UNC93A: variants seen among roughly 807,000 people sequenced by gnomAD.
UNC93A encodes unc-93 homolog A.
A neutral mutation model predicts 47.5 loss-of-function variants in UNC93A; 43 were observed. The observed-to-expected ratio is 0.91, with a 90% CI of 0.71 to 1.17. The LOEUF is 1.17. Ranked by LOEUF, UNC93A falls within the 50% of genes most tolerant of loss-of-function variation. The pLI, the probability that UNC93A is intolerant of heterozygous loss-of-function variation, is 0.00. For synonymous variants in UNC93A, 280 were observed against 258.0 expected (o/e 1.09, Z -0.82); for missense variants, 605 against 577.6 (o/e 1.05, Z -0.49).
intron 4 of UNC93A, among the ~76,000 whole-genome samples, chr6:167,301,932 C>T (rs1289466881): frequency 6.6e-6 from 1 of 152,120 alleles, no homozygotes; most frequent in Non-Finnish European, 1.5e-5. Context: ...GTGGCCAGGA[C>T]AACACAGAGG....
chr6:167,298,252 C>T (rs925375419), intron 4 of UNC93A, 182 bp downstream of exon 4: 5 of 930,506 alleles, frequency 5.4e-6, no homozygotes, highest in Non-Finnish European at 7.6e-6. Flanking sequence ...ATGCAGTACA[C>T]CCGTGCTGTC....
At chr6:167,279,468 C>T (rs1783596994) in intron 1 of UNC93A, among the ~76,000 whole-genome samples, 1 of 152,188 alleles carries the variant, frequency 6.6e-6, no homozygotes, top group Admixed American at 6.5e-5. Flanking sequence ...ATCTTTAACA[C>T]TTCTGCATTT....
At chr6:167,310,736 C>A (rs1778533951) in intron 7 of UNC93A, among the ~76,000 whole-genome samples, 1 of 152,116 alleles carries the variant, frequency 6.6e-6, no homozygotes, top group Non-Finnish European at 1.5e-5. Flanking sequence ...CAAAAATTAG[C>A]CAGGCGTGAT....
At position 167,305,911 on chromosome 6, in the gene UNC93A, C is replaced by G. The variant is rs6916435; in HGVS notation, c.841-4C>G. 2.4e-3 allele frequency: 3,870 copies of G among 1,614,168 alleles called. 84 individuals carry two copies. The African/African-American group carries it at 0.042, about 17-fold the overall frequency. On this transcript the variant is annotated splice_region_variant and splice_polypyrimidine_tract_variant and intron_variant, in intron 5 of 7. Coordinates refer to ENST00000230256, the MANE Select transcript of UNC93A (RefSeq NM_018974.4). ...ATGACGTGGCTCTGCACCCCTCTCC[C>G]CAGTCCTATGTCACCTGCACCCTGG...
intron 3 of UNC93A, among the ~76,000 whole-genome samples, chr6:167,296,613 G>A (rs182822788): frequency 1.4e-4 from 22 of 152,332 alleles, no homozygotes; most frequent in Non-Finnish European, 2.8e-4. Context: ...TAAGGATGGG[G>A]TTGCCTGATT....
intron 1 of UNC93A, among the ~76,000 whole-genome samples, chr6:167,278,670 C>G (rs536919912): frequency 1.3e-5 from 2 of 152,252 alleles, no homozygotes; most frequent in Admixed American, 1.3e-4. Context: ...GGCTGCAAGT[C>G]TCTAGATTGA....
At chr6:167,298,525 C>CTTTTT (rs373731342) in intron 4 of UNC93A, among the ~76,000 whole-genome samples, 2 of 144,144 alleles carry the variant, frequency 1.4e-5, no homozygotes, top group Admixed American at 6.9e-5. Context: ...CTATAAGCCA[C>CTTTTT]TTTTTTTTTT....
At chr6:167,300,669 CA>C (rs921483799) in intron 4 of UNC93A, among the ~76,000 whole-genome samples, 45 of 152,230 alleles carry the variant, frequency 3.0e-4, no homozygotes, top group African/African-American at 1.1e-3. Context: ...CATGTTTTCC[CA>C]GCAGGCCCCA....
chr6:167,280,038 C>CTTTGGGAGAATTCCAGTGCCT (rs1783605855), intron 1 of UNC93A, among the ~76,000 whole-genome samples: 1 of 152,216 alleles, frequency 6.6e-6, no homozygotes, highest in African/African-American at 2.4e-5. Flanking sequence ...AAGATGCTTG[C>CTTTGGGAGAATTCCAGTGCCT]TTTGGGAGAA....
In UNC93A at chr6:167,308,887, C is replaced by G. The variant is rs1226402497; in HGVS notation, c.1108+977C>G. ...GGGCTGGTTGTCGGATAGAAGGTGA[C>G]ATCCCATGATGATGGCAGGAGCCAA... On this transcript the variant is annotated intron_variant, in intron 7 of 7. Transcript: ENST00000230256. Among the ~76,000 whole-genome samples the G allele has an allele frequency of 2.0e-5, 3 of 152,116 alleles. No homozygotes were observed. The East Asian group carries it at 5.8e-4, about 29-fold the overall frequency.
intron 7 of UNC93A, among the ~76,000 whole-genome samples, chr6:167,308,619 T>TGG (rs1346971519): frequency 7.2e-6 from 1 of 139,622 alleles, no homozygotes; most frequent in African/African-American, 2.8e-5. Context: ...TTGCTGGGGC[T>TGG]GGGGCCCCTA....
chr6:167,305,733 G>A (rs1487148772), intron 5 of UNC93A, among the ~76,000 whole-genome samples, 182 bp from the exon 6 acceptor site: 1 of 152,174 alleles, frequency 6.6e-6, no homozygotes, highest in East Asian at 1.9e-4. Context: ...CCCCAAACAG[G>A]ATTTTCTTAC....
At chr6:167,307,148 A>T (rs1317145042) in intron 6 of UNC93A, among the ~76,000 whole-genome samples, 1 of 152,106 alleles carries the variant, frequency 6.6e-6, no homozygotes. Flanking sequence ...TCTCTTTCTG[A>T]CTTTAAACCC....
chr6:167,282,419 T>C (rs932973289), intron 1 of UNC93A, among the ~76,000 whole-genome samples: 1 of 152,090 alleles, frequency 6.6e-6, no homozygotes, highest in Admixed American at 6.6e-5. Context: ...TTGTGCTGAT[T>C]CTTTCCTGGA....
intron 3 of UNC93A, among the ~76,000 whole-genome samples, chr6:167,297,720 G>A (rs780820957): frequency 3.3e-5 from 5 of 152,122 alleles, no homozygotes; most frequent in Non-Finnish European, 7.4e-5. Flanking sequence ...TGCAGAACAC[G>A]AATAGGATTT....
intron 3 of UNC93A, 128 bp from the exon 4 acceptor site, chr6:167,297,817 C>A: frequency 8.3e-7 from 1 of 1,198,568 alleles, no homozygotes. Flanking sequence ...GGTCTTTCCA[C>A]GTGACCTGTA....
At chr6:167,295,650 C>T (rs1267100069) in intron 2 of UNC93A, among the ~76,000 whole-genome samples, 1 of 112,860 alleles carries the variant, frequency 8.9e-6, no homozygotes, top group Non-Finnish European at 1.7e-5. Context: ...TCGTGCTCCT[C>T]GCCTCCCTCG....
chr6:167,288,858 G>T (rs1783790537), upstream of UNC93A, among the ~76,000 whole-genome samples: 2 of 152,208 alleles, frequency 1.3e-5, no homozygotes, highest in African/African-American at 4.8e-5. Context: ...GTGAAGTCTC[G>T]GTTTTCCGGA....
At chr6:167,292,028 C>T (rs1162184680) in intron 1 of UNC93A, among the ~76,000 whole-genome samples, 2 of 152,188 alleles carry the variant, frequency 1.3e-5, no homozygotes, top group African/African-American at 4.8e-5. Flanking sequence ...ACAACATGAT[C>T]TCTCTATACT....
Sources: gnomAD v4.1 joint callset for allele counts (sites outside exome capture counted in the v4.1 genomes callset) on GRCh38, gnomAD v4.1.1 for gene constraint, MANE v1.5 for transcripts, NCBI Gene and HGNC (gene_info 2026-07-23, HGNC 2026-07-21) for gene names.